The following CRY1 variants were observed in gnomAD, a reference collection of about 807,000 sequenced individuals.
CRY1 encodes the protein cryptochrome circadian regulator 1.
CRY1 carries 45 observed loss-of-function variants against 76.0 expected under a neutral mutation model. The observed-to-expected ratio is 0.59, with a 90% CI of 0.47 to 0.76. CRY1 has a LOEUF of 0.76. Among genes scored for constraint, CRY1 ranks in the 30% least tolerant of loss-of-function variants. The probability of loss-of-function intolerance (pLI) is 0.00; values close to 1 mark genes in which losing one functional copy is unlikely to be tolerated. For synonymous variants in CRY1, 248 were observed against 244.0 expected, an observed-to-expected ratio of 1.02 and a Z score of -0.15; for missense variants, 587 against 716.4, an observed-to-expected ratio of 0.82 and a Z score of 2.06.
At chr12:107,069,671 A>ATAAAG (rs1256680100) in intron 1 of CRY1, among the ~76,000 whole-genome samples, 170 of 141,706 alleles carry the variant, frequency 1.2e-3, no homozygotes, top group African/African-American at 4.0e-3. Flanking sequence ...TATAAAGTAT[A>ATAAAG]TATATATAAA....
intron 3 of CRY1, among the ~76,000 whole-genome samples, chr12:107,002,161 A>C (rs913730380): frequency 1.8e-4 from 28 of 152,164 alleles, no homozygotes; most frequent in African/African-American, 6.3e-4. Flanking sequence ...CTGGGTATCA[A>C]ATATACTACA....
chr12:107,046,908 T>C lies in CRY1; in HGVS notation c.159-24716A>G, dbSNP rs552051947. On this transcript the variant is annotated intron_variant, in intron 1 of 12. Transcript: ENST00000008527. ...GCAAATATTATTCAATCTAAAAGGA[T>C]AGATTCCATTACAATAATAGGGACT... Among the ~76,000 whole-genome samples, 78 of 152,328 alleles carry C rather than the reference T, an allele frequency of 5.1e-4. No homozygotes were observed. In the South Asian group the frequency reaches 8.5e-3, roughly 17 times the overall value.
At chr12:107,092,010 G>C (rs908868900) in intron 1 of CRY1, among the ~76,000 whole-genome samples, 3 of 151,964 alleles carry the variant, frequency 2.0e-5, no homozygotes, top group African/African-American at 7.3e-5. Flanking sequence ...TTTACTTTCT[G>C]CTTGAAGACA....
At position 107,011,364 on chromosome 12, in the gene CRY1, A is replaced by C. The variant is rs546821542; in HGVS notation, c.268-6116T>G. Among the ~76,000 whole-genome samples the C allele has an allele frequency of 4.3e-3, 641 of 150,588 alleles. 4 individuals carry two copies. Among genetic ancestry groups the C allele is most frequent in the African/African-American group, 7.6e-3 (307 of 40,564 alleles). ...GACTCTGTCTCAAAAAACAAACAAAAAAAAAAAACAAAAAAGAAAGCTGAG... is the reference window on the plus strand; with the variant it reads ...GACTCTGTCTCAAAAAACAAACAAACAAAAAAAACAAAAAAGAAAGCTGAG... On this transcript the variant is annotated intron_variant, in intron 2 of 12. Coordinates refer to ENST00000008527, the MANE Select transcript of CRY1 (RefSeq NM_004075.5).
At chr12:107,040,393 T>C (rs7300830) in intron 1 of CRY1, among the ~76,000 whole-genome samples, 103,795 of 149,804 alleles carry the variant, frequency 0.69, 36,790 homozygotes, top group East Asian at 0.97. Context: ...TCAAGTGATT[T>C]TTCTGCCCCA....
intron 1 of CRY1, among the ~76,000 whole-genome samples, chr12:107,068,071 G>A (rs1953134113): frequency 6.6e-6 from 1 of 152,182 alleles, no homozygotes; most frequent in African/African-American, 2.4e-5. Flanking sequence ...GGTCAAGCCA[G>A]CTCACTGCCT....
At chr12:107,056,689 G>A (rs77936014) in intron 1 of CRY1, among the ~76,000 whole-genome samples, 232 of 152,204 alleles carry the variant, frequency 1.5e-3, no homozygotes, top group Admixed American at 3.5e-3. Flanking sequence ...TGTTCTAGAG[G>A]AAGACAACCT....
chr12:107,092,328 T>C (rs1384501972), intron 1 of CRY1, among the ~76,000 whole-genome samples: 2 of 152,214 alleles, frequency 1.3e-5, no homozygotes, highest in East Asian at 3.8e-4. Flanking sequence ...CCCTTGCTTT[T>C]CCCACAGTAA....
rs558997247 is a variant in CRY1 at position 107,063,225 on chromosome 12, T to C, written c.158+29579A>G. Among the ~76,000 whole-genome samples the C allele has an allele frequency of 3.9e-5, 6 of 152,250 alleles. No homozygotes were observed. The South Asian group carries it at 1.0e-3, about 26-fold the overall frequency. ...AAGCTGTTTTAGAGGTGGAAACCAATAGGATTTTTACATCCAAGAAGAGGA... is the reference window on the plus strand; with the variant it reads ...AAGCTGTTTTAGAGGTGGAAACCAACAGGATTTTTACATCCAAGAAGAGGA... On this transcript the variant is annotated intron_variant, in intron 1 of 12. Transcript: ENST00000008527.
chr12:107,081,837 G>A lies in CRY1; in HGVS notation c.158+10967C>T, dbSNP rs569063570. Among the ~76,000 whole-genome samples, 5 of 152,074 alleles carry A rather than the reference G, an allele frequency of 3.3e-5. No individual in the cohort carries two copies. In the East Asian group the frequency reaches 9.7e-4, roughly 29 times the overall value. Reference sequence around the variant, plus strand: ...ATATGCATTGTACTGTCATGAGAGGGATTAGTGCCTGATATAGTTTACATA... The same window carrying A: ...ATATGCATTGTACTGTCATGAGAGGAATTAGTGCCTGATATAGTTTACATA... On this transcript the variant is annotated intron_variant, in intron 1 of 12. Transcript: ENST00000008527.
chr12:107,055,863 T>C (rs1026608511), intron 1 of CRY1, among the ~76,000 whole-genome samples: 1 of 151,744 alleles, frequency 6.6e-6, no homozygotes. Flanking sequence ...AAAATAACCA[T>C]AGATACTACA....
intron 2 of CRY1, among the ~76,000 whole-genome samples, chr12:107,007,039 C>G (rs767072478): frequency 2.0e-5 from 3 of 152,100 alleles, no homozygotes; most frequent in Non-Finnish European, 4.4e-5. Context: ...AAGTGCACAT[C>G]AAGAAATTAA....
chr12:107,086,611 C>G (rs990676770), intron 1 of CRY1, among the ~76,000 whole-genome samples: 1 of 152,218 alleles, frequency 6.6e-6, no homozygotes, highest in Non-Finnish European at 1.5e-5. Context: ...GCTCAAAAGG[C>G]CCCAGGTACT....
chr12:107,045,798 G>A (rs1952842050), intron 1 of CRY1, among the ~76,000 whole-genome samples: 1 of 152,026 alleles, frequency 6.6e-6, no homozygotes, highest in African/African-American at 2.4e-5. Context: ...ATCACACACC[G>A]GGGCCTGTTG....
chr12:107,017,082 G>A lies in CRY1; in HGVS notation c.267+5002C>T, dbSNP rs185971105. On this transcript the variant is annotated intron_variant, in intron 2 of 12. Coordinates refer to ENST00000008527, the MANE Select transcript of CRY1 (RefSeq NM_004075.5). ...TGTGTATTCTCCACAAACAGCCAGA[G>A]AAATTCTTGTAAATCATGAGTTAAA... Among the ~76,000 whole-genome samples, 88 of 152,266 alleles carry A rather than the reference G, an allele frequency of 5.8e-4. No homozygotes were observed. The East Asian group carries it at 0.014, about 24-fold the overall frequency.
At chr12:107,066,450 A>G (rs1490440229) in intron 1 of CRY1, among the ~76,000 whole-genome samples, 1 of 151,736 alleles carries the variant, frequency 6.6e-6, no homozygotes, top group Non-Finnish European at 1.5e-5. Context: ...TGGTAGATTA[A>G]GTTTTGTTTT....
At chr12:107,009,740 T>C (rs1952422340) in intron 2 of CRY1, among the ~76,000 whole-genome samples, 1 of 151,302 alleles carries the variant, frequency 6.6e-6, no homozygotes, top group African/African-American at 2.4e-5. Context: ...TGAGACCACA[T>C]AGTGTCTTTA....
chr12:107,046,081 T>C (rs944792335), intron 1 of CRY1, among the ~76,000 whole-genome samples: 1 of 150,780 alleles, frequency 6.6e-6, no homozygotes, highest in African/African-American at 2.5e-5. Context: ...GAGCCGAGAT[T>C]GCACCACTGC....
intron 1 of CRY1, among the ~76,000 whole-genome samples, chr12:107,026,111 AAT>A (rs372518498): frequency 0.018 from 858 of 47,264 alleles, 17 homozygotes; most frequent in Admixed American, 0.076. Context: ...ATATATATAA[AAT>A]ATATATATTA....
Sources: allele counts gnomAD v4.1 joint callset (sites outside exome capture counted in the v4.1 genomes callset), GRCh38; gene constraint gnomAD v4.1.1; transcripts MANE v1.5; gene names NCBI Gene and HGNC (gene_info 2026-07-23, HGNC 2026-07-21).